Variants in ARMCX4 observed in about 807,000 individuals in gnomAD.
The protein encoded by ARMCX4 is armadillo repeat-containing X-linked protein 4.
A neutral mutation model predicts 34.7 loss-of-function variants in ARMCX4; 3 were observed. That is an observed-to-expected ratio of 0.09 (90% CI 0.04 to 0.22). The LOEUF is 0.22. Among genes scored for constraint, ARMCX4 ranks in the 10% least tolerant of loss-of-function variants. The probability of loss-of-function intolerance (pLI) is 1.00; values close to 1 mark genes in which losing one functional copy is unlikely to be tolerated. For missense variants in ARMCX4, 1,448 were observed against 1,720.8 expected (o/e 0.84, Z 2.81); for synonymous variants, 513 against 632.8 (o/e 0.81, Z 2.84).
rs1556009600 is a variant in ARMCX4 at position 101,492,255 on chromosome X, G to T, written c.3666G>T (p.Gly1222=). The T allele has an allele frequency of 8.8e-7, 1 of 1,142,443 alleles. No individual in the cohort carries two copies. Among genetic ancestry groups the T allele is most frequent in the Non-Finnish European group, 1.2e-6 (1 of 866,125 alleles). 94.2% of individuals were successfully genotyped at this position (1,142,443 alleles called of 1,213,427 possible). A position where few individuals can be genotyped will look rare whatever the true frequency, so the allele number is the denominator to read the frequency against. ...WTGAENQASG[G]SWALAGNQAI... Reference sequence around the variant, plus strand: ...GGGCTGAGAACCAGGCCAGTGGGGGGTCTTGGGCTCTCGCTGGGAATCAGG... The same window carrying T: ...GGGCTGAGAACCAGGCCAGTGGGGGTTCTTGGGCTCTCGCTGGGAATCAGG... The change falls in exon 6 of 6, where the codon GGG becomes GGT. Residue 1222 remains glycine (G), a synonymous_variant. Transcript: ENST00000423738.
chrX:101,432,737 T>C (rs1002597564), intron 2 of ARMCX4, among the ~76,000 whole-genome samples: 2 of 75,801 alleles, frequency 2.6e-5, no homozygotes, highest in Admixed American at 1.5e-4. Flanking sequence ...TACACATATA[T>C]ACGTATATAT....
At chrX:101,514,268 C>T (rs1348255328) in intron 11 of ARMCX4, among the ~76,000 whole-genome samples, 2 of 110,874 alleles carry the variant, frequency 1.8e-5, no homozygotes, top group East Asian at 5.7e-4. Context: ...AGAGTGATGC[C>T]ACTCCCATTT....
downstream of ARMCX4, among the ~76,000 whole-genome samples, chrX:101,448,988 T>C (rs1368046690): frequency 2.9e-5 from 3 of 103,453 alleles, no homozygotes; most frequent in Non-Finnish European, 5.9e-5. Context: ...CTTGGCTCGC[T>C]GCAACCTCTG....
intron 4 of ARMCX4, among the ~76,000 whole-genome samples, chrX:101,475,163 A>T (rs1933124787): frequency 1.8e-5 from 2 of 108,900 alleles, no homozygotes; most frequent in East Asian, 5.7e-4. Context: ...AATAATAAAA[A>T]AATAAGCTGC....
At chrX:101,529,576 T>C in intron 11 of ARMCX4, among the ~76,000 whole-genome samples, 1 of 111,739 alleles carries the variant, frequency 8.9e-6, no homozygotes, top group Non-Finnish European at 1.9e-5. Context: ...ATTTTTGCAA[T>C]CTACTCATCT....
chrX:101,516,930 T>C (rs1275908047), intron 11 of ARMCX4: 1 of 111,709 alleles, frequency 9.0e-6, no homozygotes, highest in African/African-American at 3.2e-5. Flanking sequence ...CTTTCTCTAA[T>C]AAATTTACCT....
downstream of ARMCX4, among the ~76,000 whole-genome samples, chrX:101,452,736 A>G (rs1459447841): frequency 9.1e-6 from 1 of 109,463 alleles, no homozygotes; most frequent in Non-Finnish European, 1.9e-5. Flanking sequence ...TTGTATTTTT[A>G]GTAGAGATGG....
At chrX:101,430,567 A>C (rs1929936516) in intron 2 of ARMCX4, among the ~76,000 whole-genome samples, 1 of 112,610 alleles carries the variant, frequency 8.9e-6, no homozygotes, top group African/African-American at 3.2e-5. Flanking sequence ...TGTGACAAAT[A>C]GTCTAGCCTT....
intron 4 of ARMCX4, among the ~76,000 whole-genome samples, chrX:101,471,855 G>GA (rs1932922394): frequency 9.0e-6 from 1 of 110,820 alleles, no homozygotes; most frequent in Non-Finnish European, 1.9e-5. Context: ...CAAAGGTGGG[G>GA]AAAAAATAGA....
chrX:101,435,464 C>T lies in ARMCX4; in HGVS notation n.165-8588C>T, dbSNP rs1444644300. Among the ~76,000 whole-genome samples the T allele has an allele frequency of 3.0e-4, 33 of 111,490 alleles. No individual in the cohort carries two copies. In the South Asian group the frequency reaches 3.0e-3, roughly 10 times the overall value. On this transcript the variant is annotated intron_variant and non_coding_transcript_variant, in intron 2 of 3. Transcript: ENST00000430461. ...TTGAGAAGTGTCTGTTCATATCCTTCGCCCACTTTTTGATGAGGTTGTTTG... is the reference window on the plus strand; with the variant it reads ...TTGAGAAGTGTCTGTTCATATCCTTTGCCCACTTTTTGATGAGGTTGTTTG...
At chrX:101,474,143 C>T (rs1933052117) in intron 4 of ARMCX4, among the ~76,000 whole-genome samples, 1 of 53,547 alleles carries the variant, frequency 1.9e-5, no homozygotes, top group Non-Finnish European at 3.4e-5. Flanking sequence ...ACCGATCCCA[C>T]AGAAATACAA....
At chrX:101,528,744 GA>G (rs1935044328) in intron 11 of ARMCX4, among the ~76,000 whole-genome samples, 1 of 111,031 alleles carries the variant, frequency 9.0e-6, no homozygotes, top group South Asian at 3.8e-4. Context: ...TTGCTTCAAA[GA>G]GGATAAAATA....
intron 2 of ARMCX4, among the ~76,000 whole-genome samples, chrX:101,420,871 A>G (rs1282695308): frequency 8.9e-6 from 1 of 112,380 alleles, no homozygotes; most frequent in Non-Finnish European, 1.9e-5. Context: ...GCCCTGTGGG[A>G]TGGGGAGAAC....
intron 4 of ARMCX4, among the ~76,000 whole-genome samples, chrX:101,455,205 A>G (rs782098481): frequency 2.7e-5 from 3 of 112,122 alleles, no homozygotes; most frequent in Non-Finnish European, 5.6e-5. Context: ...GTAATAGGAA[A>G]CATGGTGCTT....
At position 101,462,379 on chromosome X, in the gene ARMCX4, C is replaced by T. The variant is rs782149107; in HGVS notation, c.-473+16335C>T. ...ATTTGTAGGCCGGCGCAGTGGCTCA[C>T]GCCTGTAATTCCAGTACTTTGGGAG... On this transcript the variant is annotated intron_variant and NMD_transcript_variant, in intron 4 of 15. Coordinates refer to the ARMCX4 transcript ENST00000433011. Among the ~76,000 whole-genome samples the T allele has an allele frequency of 2.7e-5, 3 of 111,055 alleles. No individual in the cohort carries two copies. In the East Asian group the frequency reaches 8.4e-4, roughly 31 times the overall value.
At chrX:101,433,001 T>TATACACACATGTATACATACAC (rs1569314946) in intron 2 of ARMCX4, among the ~76,000 whole-genome samples, 13 of 57,802 alleles carry the variant, frequency 2.2e-4, no homozygotes, top group Admixed American at 5.0e-4. Flanking sequence ...TATACATATA[T>TATACACACATGTATACATACAC]GTGTATATAT....
chrX:101,427,894 C>G (rs1279573392), intron 2 of ARMCX4, among the ~76,000 whole-genome samples: 3 of 111,837 alleles, frequency 2.7e-5, no homozygotes, highest in East Asian at 2.8e-4. Flanking sequence ...GGTATCTGCT[C>G]TCATGACCCA....
chrX:101,475,402 T>C (rs1933140270), intron 4 of ARMCX4, among the ~76,000 whole-genome samples: 1 of 110,920 alleles, frequency 9.0e-6, no homozygotes, highest in South Asian at 3.8e-4. Context: ...GTAATACAAA[T>C]AGAATGCATA....
At chrX:101,469,193 A>G (rs1932848135) in intron 4 of ARMCX4, among the ~76,000 whole-genome samples, 1 of 112,618 alleles carries the variant, frequency 8.9e-6, no homozygotes, top group Non-Finnish European at 1.9e-5. Flanking sequence ...GTAATCTGCA[A>G]CATTGTTATA....
Sources: allele counts gnomAD v4.1 joint callset (sites outside exome capture counted in the v4.1 genomes callset), GRCh38; gene constraint gnomAD v4.1.1; transcripts MANE v1.5; gene names NCBI Gene and HGNC (gene_info 2026-07-23, HGNC 2026-07-21).